Variants in DAPK2 observed in about 807,000 individuals in gnomAD.
The protein encoded by DAPK2 is death-associated protein kinase 2.
DAPK2 carries 35 observed loss-of-function variants against 44.1 expected under a neutral mutation model. That is an observed-to-expected ratio of 0.79 (90% CI 0.61 to 1.05). DAPK2 has a LOEUF of 1.05. Among genes scored for constraint, DAPK2 ranks in the 50% least tolerant of loss-of-function variants. The pLI is 0.00. For missense variants in DAPK2, 453 were observed against 483.2 expected, an observed-to-expected ratio of 0.94 and a Z score of 0.59; for synonymous variants, 174 against 182.6, an observed-to-expected ratio of 0.95 and a Z score of 0.38.
intron 5 of DAPK2, chr15:63,929,818 C>T (rs1382290169): frequency 3.0e-6 from 2 of 661,352 alleles, no homozygotes; most frequent in African/African-American, 1.8e-5. Flanking sequence ...GACTCCTGCA[C>T]TTGCAGGCTG....
At chr15:63,976,653 C>CGTGATT (rs2078356949) in intron 2 of DAPK2, among the ~76,000 whole-genome samples, 1 of 152,074 alleles carries the variant, frequency 6.6e-6, no homozygotes, top group Non-Finnish European at 1.5e-5. Context: ...TGTAGTGAGC[C>CGTGATT]GTGATTGTGC....
At chr15:63,933,593 T>C (rs1340053967) in intron 4 of DAPK2, among the ~76,000 whole-genome samples, 2 of 126,668 alleles carry the variant, frequency 1.6e-5, no homozygotes, top group South Asian at 2.7e-4. Context: ...TCAGGACAGA[T>C]TGATTTTTTT....
chr15:63,938,290 T>C (rs1022049966), intron 4 of DAPK2, among the ~76,000 whole-genome samples: 2 of 152,198 alleles, frequency 1.3e-5, no homozygotes, highest in African/African-American at 4.8e-5. Context: ...AAGGCACCTG[T>C]TGGAGAAAAT....
Position 63,926,030 on chromosome 15 carries a change from T to C in DAPK2, c.723A>G (p.Ala241=), listed in dbSNP as rs768354363. ...ATTCCTCATCAAAGTCGTAACTCAC[T>C]GCTGTGATATTTGCCAGTGTTTCCT... The change falls in exon 7 of 11, where the codon GCA becomes GCG. Residue 241 remains alanine, a synonymous_variant. Transcript: ENST00000261891. The C allele has an allele frequency of 2.5e-6, 4 of 1,614,172 alleles. No individual in the cohort carries two copies. The Admixed American group carries it at 6.7e-5, about 27-fold the overall frequency.
At chr15:63,924,731 G>T in intron 8 of DAPK2, 85 bp downstream of exon 9, 1 of 1,463,632 alleles carries the variant, frequency 6.8e-7, no homozygotes, top group Non-Finnish European at 9.5e-7. Context: ...CCTCTCCATG[G>T]GCCCTCTGCA....
chr15:64,002,388 C>G (rs528940197), intron 1 of DAPK2, among the ~76,000 whole-genome samples: 1 of 152,296 alleles, frequency 6.6e-6, no homozygotes, highest in East Asian at 1.9e-4. Context: ...CAATAAAATA[C>G]GTTTTGAAGA....
chr15:63,923,476 A>C lies in DAPK2; in HGVS notation c.858+1340T>G, dbSNP rs1356876374. ...CATGCGTCAGGCCATGGGGAGAACC[A>C]GGGTGGGATGAGCACCTCCTTAGGC... On this transcript the variant is annotated intron_variant, in intron 8 of 10. Coordinates refer to ENST00000261891, the Ensembl canonical transcript of DAPK2. The surrounding 1 kb of genome is among the most constrained non-coding windows in gnomAD (Gnocchi z 4.2). 1.3e-5 allele frequency: 19 copies of C among 1,439,780 alleles called. No homozygotes were observed. 89.2% of individuals were successfully genotyped at this position (1,439,780 alleles called of 1,614,324 possible). A position where few individuals can be genotyped will look rare whatever the true frequency, so the allele number is the denominator to read the frequency against.
chr15:64,036,799 C>T (rs914419489), intron 1 of DAPK2, among the ~76,000 whole-genome samples: 2 of 152,140 alleles, frequency 1.3e-5, no homozygotes, highest in Non-Finnish European at 2.9e-5. Flanking sequence ...GCTCTCCAGA[C>T]ATCAGGATGA....
intron 2 of DAPK2, among the ~76,000 whole-genome samples, chr15:63,982,284 G>A (rs540765342): frequency 5.2e-4 from 75 of 144,496 alleles, no homozygotes; most frequent in South Asian, 1.7e-3. Flanking sequence ...TCCGCCTCCC[G>A]GGTTCAAGCA....
At chr15:64,018,586 GTTC>G (rs2079599178) in intron 1 of DAPK2, among the ~76,000 whole-genome samples, 1 of 152,098 alleles carries the variant, frequency 6.6e-6, no homozygotes, top group Non-Finnish European at 1.5e-5. Flanking sequence ...CTGTCCCGTG[GTTC>G]TCTGGGTCCC....
At chr15:64,022,424 T>C (rs148498592) in intron 1 of DAPK2, among the ~76,000 whole-genome samples, 136 of 152,364 alleles carry the variant, frequency 8.9e-4, no homozygotes, top group Middle Eastern at 3.4e-3. Flanking sequence ...CTAGGATACA[T>C]ACAAGTATTC....
At position 63,916,263 on chromosome 15, in the gene DAPK2, G is replaced by T. The variant is rs1194210699; in HGVS notation, c.859-4066C>A. The stretch of plus-strand genomic sequence containing the variant: ...GCAGGAAGCAGCAGCCGCTGCTAAG[G>T]CATGAAAAAGGAATCCTGGCTTTAC... On this transcript the variant is annotated intron_variant, in intron 8 of 10. Transcript: ENST00000261891. The surrounding 1 kb of genome is among the most constrained non-coding windows in gnomAD (Gnocchi z 4.7). 2.6e-5 allele frequency: 4 copies of T among 152,538 alleles called. No homozygotes were observed. The highest frequency in any genetic ancestry group is 7.2e-5 in the African/African-American group (3 of 41,432). The allele number at this position is 152,538 out of a possible 1,614,324, so 9.4% of individuals were successfully genotyped here. A position where few individuals can be genotyped will look rare whatever the true frequency, so the allele number is the denominator to read the frequency against.
At chr15:64,029,590 C>G (rs2079952937) in intron 1 of DAPK2, among the ~76,000 whole-genome samples, 1 of 152,200 alleles carries the variant, frequency 6.6e-6, no homozygotes, top group African/African-American at 2.4e-5. Flanking sequence ...ATTTCATTTG[C>G]TAAGGAGGAG....
At chr15:64,039,074 T>C (rs1226987462) in intron 1 of DAPK2, among the ~76,000 whole-genome samples, 2 of 152,268 alleles carry the variant, frequency 1.3e-5, no homozygotes, top group Non-Finnish European at 2.9e-5. Flanking sequence ...ATGTTCATCT[T>C]GCATATTTGA....
upstream of DAPK2, chr15:64,046,355 C>CGCGGTGGGA: frequency 2.8e-6 from 1 of 352,128 alleles, no homozygotes; most frequent in Non-Finnish European, 3.2e-6. This position sits in a 1 kb window ranked among gnomAD's most constrained non-coding sequence, Gnocchi z 5.3. Flanking sequence ...GAGCGGCGGG[C>CGCGGTGGGA]GCGGCGGGCG....
At chr15:63,981,780 T>C (rs1383939174) in intron 2 of DAPK2, among the ~76,000 whole-genome samples, 1 of 152,072 alleles carries the variant, frequency 6.6e-6, no homozygotes, top group Non-Finnish European at 1.5e-5. Context: ...TCTCTCTGGG[T>C]CACGCAGGGC....
At chr15:63,924,973 G>T in intron 7 of DAPK2, 112 bp from the exon 9 acceptor site, 1 of 1,119,854 alleles carries the variant, frequency 8.9e-7, no homozygotes, top group Non-Finnish European at 1.3e-6. Context: ...GGCCACTGCC[G>T]TCAAACCAGT....
intron 3 of DAPK2, among the ~76,000 whole-genome samples, chr15:63,969,084 C>T (rs749071701): frequency 3.3e-5 from 5 of 152,146 alleles, no homozygotes; most frequent in Admixed American, 6.5e-5. Flanking sequence ...CCCTGTGACG[C>T]CTCAGTAAAA....
At chr15:63,982,574 C>G (rs999426600) in intron 2 of DAPK2, among the ~76,000 whole-genome samples, 1 of 152,192 alleles carries the variant, frequency 6.6e-6, no homozygotes. Context: ...TATTGTTTAT[C>G]AGAGCCCCAC....
Sources: gnomAD v4.1 joint callset for allele counts (sites outside exome capture counted in the v4.1 genomes callset) on GRCh38, gnomAD v4.1.1 for gene constraint, Gnocchi (gnomAD v3.1) non-coding constraint, MANE v1.5 for transcripts, NCBI Gene and HGNC (gene_info 2026-07-23, HGNC 2026-07-21) for gene names.